The following SLX4 variants were observed in gnomAD, a reference collection of about 807,000 sequenced individuals.
SLX4 encodes structure-specific endonuclease subunit SLX4.
SLX4 carries 112 observed loss-of-function variants against 146.2 expected under a neutral mutation model. The ratio of observed to expected loss-of-function variants is 0.77; its 90% CI spans 0.66 to 0.90. The LOEUF (loss-of-function observed/expected upper bound fraction) is 0.90, where lower values mean the gene tolerates loss of function less well. Among genes scored for constraint, SLX4 ranks in the 40% least tolerant of loss-of-function variants. SLX4 has a pLI of 0.00. For synonymous variants in SLX4, 1,061 were observed against 997.7 expected (o/e 1.06, Z -1.20); for missense variants, 2,563 against 2,392.7 (o/e 1.07, Z -1.49).
At chr16:3,605,410 T>C (rs1567177060) in intron 3 of SLX4, among the ~76,000 whole-genome samples, 1 of 151,348 alleles carries the variant, frequency 6.6e-6, no homozygotes, top group African/African-American at 2.4e-5. Flanking sequence ...TTTGTAGAGA[T>C]GGGGGTCTCA....
At chr16:3,601,672 G>A (rs927476812) in intron 4 of SLX4, 29 of 307,732 alleles carry the variant, frequency 9.4e-5, no homozygotes, top group African/African-American at 5.4e-4. Flanking sequence ...CCTGCTCCAT[G>A]CTACAACATG....
In SLX4 at chr16:3,602,102, C is replaced by G. The variant is rs1567175933; in HGVS notation, c.950+16G>C. 1 of 1,614,034 alleles carries G rather than the reference C, an allele frequency of 6.2e-7. No individual in the cohort carries two copies. Among genetic ancestry groups the G allele is most frequent in the African/African-American group, 1.3e-5 (1 of 75,032 alleles). On this transcript the variant is annotated intron_variant, in intron 4 of 14. Transcript: ENST00000294008. ...GTCACATACACGGGAGAGGCGACGG[C>G]CCAAGCTGCCCCCACCTGTTCACAT... is the stretch of plus-strand genomic sequence containing the variant.
At chr16:3,607,612 G>T (rs1009214797) in intron 2 of SLX4, among the ~76,000 whole-genome samples, 21 of 152,116 alleles carry the variant, frequency 1.4e-4, no homozygotes, top group Non-Finnish European at 3.1e-4. Flanking sequence ...TTGAACCTGG[G>T]AGGTCAAGGC....
intron 11 of SLX4, 85 bp downstream of exon 11, chr16:3,592,614 C>T (rs921284525): frequency 1.8e-5 from 26 of 1,484,786 alleles, no homozygotes; most frequent in African/African-American, 2.8e-5. Flanking sequence ...GCCTCAGCCC[C>T]GAGCCCTCTG....
intron 5 of SLX4, 140 bp from the exon 6 acceptor site, chr16:3,598,139 C>T (rs1273400775): frequency 7.5e-6 from 7 of 931,734 alleles, no homozygotes; most frequent in Middle Eastern, 2.6e-4. Context: ...TCCCCCACTT[C>T]CACTGCCTTG....
intron 5 of SLX4, 123 bp downstream of exon 5, chr16:3,600,856 A>C (rs1167104962): frequency 7.5e-6 from 8 of 1,071,248 alleles, no homozygotes; most frequent in Non-Finnish European, 1.1e-5. Flanking sequence ...TTGGCCTCCC[A>C]AAGTGCTGCG....
At chr16:3,586,799 C>A (rs1371753842) in intron 12 of SLX4, among the ~76,000 whole-genome samples, 13 of 143,150 alleles carry the variant, frequency 9.1e-5, no homozygotes, top group African/African-American at 2.6e-4. Context: ...GCCTGGGCAA[C>A]AGAGAGAGGC....
chr16:3,590,689 G>C lies in SLX4; in HGVS notation c.2949C>G (p.Tyr983Ter). The C allele has an allele frequency of 6.2e-7, 1 of 1,614,168 alleles. No homozygotes were observed. The highest frequency in any genetic ancestry group is 8.5e-7 in the Non-Finnish European group (1 of 1,180,036). ...CCTGAGTTGATGAGAAGAGCTGTTC[G>C]TAATCCCCGGCATCATCTGAGTGCG... ...SLPHSDDAGDYEQLFSSTQGE... is the reference protein window; with the variant it reads ...SLPHSDDAGD Residue 983 changes from tyrosine (Y) to a stop codon, truncating the protein, a stop_gained, in exon 12 of 15, where the codon TAC becomes TAG. Coordinates refer to ENST00000294008, the MANE Select transcript of SLX4 (RefSeq NM_032444.4). LOFTEE classifies it high-confidence loss of function. The surrounding 1 kb of genome is among the most constrained non-coding windows in gnomAD (Gnocchi z 4.8).
At chr16:3,595,300 C>T (rs1482329789) in intron 9 of SLX4, among the ~76,000 whole-genome samples, 1 of 152,188 alleles carries the variant, frequency 6.6e-6, no homozygotes, top group African/African-American at 2.4e-5. Flanking sequence ...AACTGTGGTC[C>T]CTCTACACTC....
intron 12 of SLX4, 144 bp downstream of exon 12, chr16:3,588,858 G>T: frequency 9.9e-7 from 1 of 1,007,492 alleles, no homozygotes; most frequent in Non-Finnish European, 1.6e-6. Flanking sequence ...GTGGAGGGGA[G>T]TCTGGAAGGC....
Position 3,590,332 on chromosome 16 carries a change from C to T in SLX4, c.3306G>A (p.Glu1102=), listed in dbSNP as rs2151123871. 6.2e-7 allele frequency: 1 copy of T among 1,614,234 alleles called. No homozygotes were observed. The highest frequency in any genetic ancestry group is 1.1e-5 in the South Asian group (1 of 91,088). Residue 1102 remains glutamate (E), a synonymous_variant, in exon 12 of 15, where the codon GAG becomes GAA. Coordinates refer to ENST00000294008, the MANE Select transcript of SLX4 (RefSeq NM_032444.4). The surrounding 1 kb of genome is among the most constrained non-coding windows in gnomAD (Gnocchi z 4.8). The part of the protein sequence containing the change: ...SKEPGHQKGK[E]RRSVLECRNK... Reference sequence around the variant, plus strand: ...TTCTGCACTCCAGCACGGACCGACGCTCTTTGCCTTTCTGGTGCCCTGGCT... The same window carrying T: ...TTCTGCACTCCAGCACGGACCGACGTTCTTTGCCTTTCTGGTGCCCTGGCT...
rs554989399 is a variant in SLX4, at chr16:3,594,523, G to A, written c.2090C>T (p.Thr697Met). ...NPHLSDVQFQ[T>M]DSGEVLYAHK... Reference sequence around the variant, plus strand: ...GGCGTAAAGCACCTCCCCGCTGTCCGTCTGAAACTGGACATCACTCAGGTG... The same window carrying A: ...GGCGTAAAGCACCTCCCCGCTGTCCATCTGAAACTGGACATCACTCAGGTG... Residue 697 changes from threonine (T) to methionine (M), a missense_variant, in exon 10 of 15, where the codon ACG becomes ATG. Physicochemically the swap from Thr to Met is moderately conservative, Grantham distance 81. Coordinates refer to ENST00000294008, the MANE Select transcript of SLX4 (RefSeq NM_032444.4). 1.9e-5 allele frequency: 30 copies of A among 1,614,130 alleles called. No homozygotes were observed. The South Asian group carries it at 2.1e-4, about 11-fold the overall frequency.
rs751088370 is a variant in SLX4, at chr16:3,590,956, G to A, written c.2682C>T (p.Val894=). The change falls in exon 12 of 15, where the codon GTC becomes GTT. Residue 894 remains valine (V), a synonymous_variant. Coordinates refer to ENST00000294008, the MANE Select transcript of SLX4 (RefSeq NM_032444.4). The surrounding 1 kb of genome is among the most constrained non-coding windows in gnomAD (Gnocchi z 4.8). ...CCTTGTCCCACTGTTTCTGCACCTG[G>A]ACACCTGCTAGGAGTTGCCCAGAAA... is the stretch of plus-strand genomic sequence containing the variant. ...SPVSGQLLAG[V]QVQKQWDKVE... is the part of the protein sequence containing the mutation. 5 of 1,614,010 alleles carry A rather than the reference G, an allele frequency of 3.1e-6. No individual in the cohort carries two copies. Among genetic ancestry groups the A allele is most frequent in the Non-Finnish European group, 4.2e-6 (5 of 1,180,040 alleles).
At chr16:3,596,512 T>G in intron 7 of SLX4, 119 bp from the exon 8 acceptor site, 13 of 1,273,492 alleles carry the variant, frequency 1.0e-5, no homozygotes, top group Non-Finnish European at 1.4e-5. Flanking sequence ...GGATGTGGGC[T>G]GTGGGGACAG....
chr16:3,606,816 G>C, intron 2 of SLX4, 118 bp from the exon 3 acceptor site: 1 of 1,071,488 alleles, frequency 9.3e-7, no homozygotes, highest in South Asian at 1.3e-5. Context: ...GTTTAGGTTT[G>C]ACTCACAAAT....
Position 3,581,216 on chromosome 16 carries a change from A to G in SLX4, c.*1126T>C, listed in dbSNP as rs1390585383. 6.5e-6 allele frequency: 1 copy of G among 152,682 alleles called. No homozygotes were observed. The highest frequency in any genetic ancestry group is 1.5e-5 in the Non-Finnish European group (1 of 68,046). The allele number at this position is 152,682 out of a possible 1,614,324, so 9.5% of individuals were successfully genotyped here. ...GCCTTTTTGGTTTATTGCACATCAT[A>G]TAAAACTGACTGCACTGTATTTGAA... On this transcript the variant is annotated 3_prime_UTR_variant, in exon 15 of 15. Coordinates refer to ENST00000294008, the MANE Select transcript of SLX4 (RefSeq NM_032444.4).
At chr16:3,583,953 C>T (rs1010188372) in intron 13 of SLX4, among the ~76,000 whole-genome samples, 1 of 151,966 alleles carries the variant, frequency 6.6e-6, no homozygotes, top group Non-Finnish European at 1.5e-5. Flanking sequence ...GAGCCAAGAT[C>T]ACATCACTCT....
rs752284328 is a variant in SLX4, at chr16:3,606,650, G to A, written c.584C>T (p.Thr195Ile). Residue 195 changes from threonine (T) to isoleucine (I), a missense_variant, in exon 3 of 15, where the codon ACA (threonine) becomes ATA (isoleucine). Coordinates refer to ENST00000294008, the MANE Select transcript of SLX4 (RefSeq NM_032444.4). Reference sequence around the variant, plus strand: ...GGGTTTGGAGGGACTTGGCACTGCTGTTGTCAAACAGGAAGGAGGAGGCTG... The same window carrying A: ...GGGTTTGGAGGGACTTGGCACTGCTATTGTCAAACAGGAAGGAGGAGGCTG... ...DSQPPPSCLT[T>I]AVPSPSKPRT... 2 of 1,614,210 alleles carry A rather than the reference G, an allele frequency of 1.2e-6. No individual in the cohort carries two copies. Among genetic ancestry groups the A allele is most frequent in the Admixed American group, 1.7e-5 (1 of 60,014 alleles).
intron 5 of SLX4, 54 bp downstream of exon 5, chr16:3,600,925 C>G: frequency 6.3e-7 from 1 of 1,594,482 alleles, no homozygotes; most frequent in South Asian, 1.1e-5. Context: ...TAGAAAAAGC[C>G]CTGAGTGCAC....
Sources: gnomAD v4.1 joint callset for allele counts (sites outside exome capture counted in the v4.1 genomes callset) on GRCh38, gnomAD v4.1.1 for gene constraint, Gnocchi (gnomAD v3.1) non-coding constraint, MANE v1.5 for transcripts, NCBI Gene and HGNC (gene_info 2026-07-23, HGNC 2026-07-21) for gene names.